CCDC170: variants seen among roughly 807,000 people sequenced by gnomAD.
CCDC170 encodes coiled-coil domain containing 170, also known as coiled-coil domain-containing protein 170.
A neutral mutation model predicts 72.6 loss-of-function variants in CCDC170; 69 were observed. That is an observed-to-expected ratio of 0.95 (90% CI 0.78 to 1.16). CCDC170 has a LOEUF of 1.16. CCDC170 is among the 50% of genes most tolerant of loss of function. The probability of loss-of-function intolerance (pLI) is 0.00; values close to 1 mark genes in which losing one functional copy is unlikely to be tolerated. For missense variants in CCDC170, 852 were observed against 832.5 expected, an observed-to-expected ratio of 1.02 and a Z score of -0.29; for synonymous variants, 300 against 303.9, an observed-to-expected ratio of 0.99 and a Z score of 0.13.
intron 6 of CCDC170, among the ~76,000 whole-genome samples, chr6:151,582,687 C>G (rs1449780664): frequency 6.6e-6 from 1 of 152,110 alleles, no homozygotes; most frequent in Non-Finnish European, 1.5e-5. Context: ...CAATGAACCT[C>G]AAGAAACTTT....
At chr6:151,566,674 G>A (rs12192956) in intron 5 of CCDC170, among the ~76,000 whole-genome samples, 11,787 of 152,204 alleles carry the variant, frequency 0.077, 554 homozygotes, top group Non-Finnish European at 0.11. Context: ...TTCTTTGTGT[G>A]TAGGAGATTA....
At chr6:151,579,046 G>C (rs745943467) in intron 6 of CCDC170, among the ~76,000 whole-genome samples, 61 of 151,878 alleles carry the variant, frequency 4.0e-4, no homozygotes, top group Non-Finnish European at 7.7e-4. Flanking sequence ...CAAAAAAAAA[G>C]CACAAACAAA....
chr6:151,546,752 G>A (rs916705513), intron 4 of CCDC170, among the ~76,000 whole-genome samples: 2 of 152,100 alleles, frequency 1.3e-5, no homozygotes, highest in Non-Finnish European at 2.9e-5. Context: ...CCTCTCGCCC[G>A]CTTTTCTCCC....
chr6:151,527,057 T>A (rs916494458), intron 1 of CCDC170, among the ~76,000 whole-genome samples: 2 of 148,190 alleles, frequency 1.3e-5, no homozygotes, highest in African/African-American at 5.0e-5. Flanking sequence ...GCTATTTTTT[T>A]TTTTTTTTTT....
At position 151,617,959 on chromosome 6, in the gene CCDC170, AG is replaced by A; in HGVS notation, c.1963del (p.Glu655ArgfsTer7). On this transcript the variant is annotated frameshift_variant, in exon 11 of 11. Transcript: ENST00000239374. LOFTEE classifies it high-confidence loss of function. Reference sequence around the variant, plus strand: ...TTTGATATTGCAGCTGGCAGACTTCAGGGAGGTGGTGTCGCAGATGCTAGGC... The same window carrying A: ...TTTGATATTGCAGCTGGCAGACTTCAGGAGGTGGTGTCGCAGATGCTAGGC... ...EKREKQLADF[R>X]EVVSQMLGLN... The A allele has an allele frequency of 1.2e-6, 2 of 1,613,522 alleles. No homozygotes were observed. The highest frequency in any genetic ancestry group is 1.7e-6 in the Non-Finnish European group (2 of 1,179,618).
chr6:151,548,265 T>A (rs1030381959), intron 4 of CCDC170, 39 bp from the exon 5 acceptor site: 7 of 1,467,072 alleles, frequency 4.8e-6, no homozygotes, highest in Non-Finnish European at 5.4e-6. Context: ...GATGAAATTG[T>A]TAATTTTTAT....
At chr6:151,569,483 C>T (rs926822113) in intron 5 of CCDC170, among the ~76,000 whole-genome samples, 3 of 152,128 alleles carry the variant, frequency 2.0e-5, no homozygotes, top group Non-Finnish European at 4.4e-5. Context: ...TTAAGTGATC[C>T]CCATCACAGT....
At chr6:151,586,884 A>G (rs545819362) in intron 7 of CCDC170, among the ~76,000 whole-genome samples, 1 of 152,058 alleles carries the variant, frequency 6.6e-6, no homozygotes, top group African/African-American at 2.4e-5. Context: ...TCCTGGGTTC[A>G]CACCATTCTC....
chr6:151,607,896 A>G (rs1406063161), intron 9 of CCDC170, among the ~76,000 whole-genome samples: 3 of 152,186 alleles, frequency 2.0e-5, no homozygotes, highest in African/African-American at 7.2e-5. Context: ...GACTTGGGAC[A>G]TTTTCAACTA....
intron 1 of CCDC170, among the ~76,000 whole-genome samples, chr6:151,528,280 G>A (rs1782441978): frequency 6.6e-6 from 1 of 152,010 alleles, no homozygotes; most frequent in Non-Finnish European, 1.5e-5. Context: ...TTTTTTAAGG[G>A]AAGATTGTTT....
Position 151,513,648 on chromosome 6 carries a change from T to C in CCDC170, c.57+19463T>C, listed in dbSNP as rs544054292. Reference sequence around the variant, plus strand: ...AAAAAAAAAAAAAAGCCAGGCACCATGGCTCATGCCTGTAATCCCAGCACT... The same window carrying C: ...AAAAAAAAAAAAAAGCCAGGCACCACGGCTCATGCCTGTAATCCCAGCACT... On this transcript the variant is annotated intron_variant, in intron 1 of 10. Coordinates refer to ENST00000239374, the MANE Select transcript of CCDC170 (RefSeq NM_025059.4). Among the ~76,000 whole-genome samples, 3 of 135,942 alleles carry C rather than the reference T, an allele frequency of 2.2e-5. No individual in the cohort carries two copies. In the South Asian group the frequency reaches 6.9e-4, roughly 31 times the overall value. 89.2% of individuals were successfully genotyped at this position (135,942 alleles called of 152,430 possible). A position where few individuals can be genotyped will look rare whatever the true frequency, so the allele number is the denominator to read the frequency against.
chr6:151,524,235 T>A (rs1782369256), intron 1 of CCDC170, among the ~76,000 whole-genome samples: 1 of 152,244 alleles, frequency 6.6e-6, no homozygotes. Context: ...CAAGCCCCCC[T>A]GTGCAAGTTC....
intron 5 of CCDC170, among the ~76,000 whole-genome samples, chr6:151,568,138 C>T (rs1776166456): frequency 7.4e-6 from 1 of 134,666 alleles, no homozygotes; most frequent in South Asian, 2.4e-4. Context: ...AAAAGGGAGT[C>T]TATGGTATTT....
chr6:151,543,918 G>T (rs1782733717), intron 3 of CCDC170, among the ~76,000 whole-genome samples: 1 of 152,064 alleles, frequency 6.6e-6, no homozygotes, highest in Non-Finnish European at 1.5e-5. Context: ...GAATAGAACT[G>T]CAGTAAACAT....
chr6:151,569,757 A>G (rs1776192283), intron 5 of CCDC170, among the ~76,000 whole-genome samples: 2 of 152,202 alleles, frequency 1.3e-5, no homozygotes, highest in Admixed American at 6.5e-5. Context: ...ATTTATTTCC[A>G]GAAGATCAGC....
chr6:151,586,531 T>C (rs1166447057), intron 7 of CCDC170, among the ~76,000 whole-genome samples: 1 of 152,134 alleles, frequency 6.6e-6, no homozygotes, highest in Non-Finnish European at 1.5e-5. Flanking sequence ...CAGATTATAG[T>C]GGAGACAGGA....
intron 1 of CCDC170, among the ~76,000 whole-genome samples, chr6:151,504,212 A>G (rs1472854253): frequency 1.3e-5 from 2 of 152,236 alleles, no homozygotes; most frequent in African/African-American, 4.8e-5. Context: ...AATGTAGCAC[A>G]ATGTTCTCAC....
chr6:151,542,687 T>C (rs552809130), intron 3 of CCDC170, among the ~76,000 whole-genome samples: 49 of 152,352 alleles, frequency 3.2e-4, no homozygotes, highest in African/African-American at 1.0e-3. Context: ...TAAATTTCTG[T>C]GATTATTTTC....
At chr6:151,600,958 A>G (rs931497463) in intron 9 of CCDC170, among the ~76,000 whole-genome samples, 16 of 152,138 alleles carry the variant, frequency 1.1e-4, no homozygotes, top group Non-Finnish European at 2.1e-4. Context: ...AAATTTGTCC[A>G]TTCTGTAAAT....
Sources: gnomAD v4.1 joint callset for allele counts (sites outside exome capture counted in the v4.1 genomes callset) on GRCh38, gnomAD v4.1.1 for gene constraint, MANE v1.5 for transcripts, NCBI Gene and HGNC (gene_info 2026-07-23, HGNC 2026-07-21) for gene names.